Variants in ANKRD12 observed in about 807,000 individuals in gnomAD.
ANKRD12 encodes the protein ankyrin repeat domain 12.
Under a neutral mutation model 183.4 loss-of-function variants are expected in ANKRD12, and 85 were observed. That is an observed-to-expected ratio of 0.46 (90% confidence interval 0.39 to 0.56). The LOEUF (loss-of-function observed/expected upper bound fraction) is 0.56. ANKRD12 is among the 20% of genes least tolerant of loss of function. The probability of loss-of-function intolerance (pLI) is 0.00; values close to 1 mark genes in which losing one functional copy is unlikely to be tolerated. For missense variants in ANKRD12, 2,405 were observed against 2,357.1 expected (o/e 1.02, Z -0.42); for synonymous variants, 914 against 800.2 (o/e 1.14, Z -2.40).
At chr18:9,251,621 C>T (rs1213937038) in intron 8 of ANKRD12, among the ~76,000 whole-genome samples, 1 of 152,030 alleles carries the variant, frequency 6.6e-6, no homozygotes, top group Non-Finnish European at 1.5e-5. Flanking sequence ...TGGTGAAACC[C>T]TGTCTCTACT....
At position 9,256,719 on chromosome 18, in the gene ANKRD12, C is replaced by A. The variant is rs779223662; in HGVS notation, c.3452C>A (p.Thr1151Asn). ...SKSSEVTDAY[T>N]KEKQPKDAVS... ...AGTTCAGAAGTGACTGATGCATATACCAAGGAGAAACAACCTAAAGATGCT... is the reference window on the plus strand; with the variant it reads ...AGTTCAGAAGTGACTGATGCATATAACAAGGAGAAACAACCTAAAGATGCT... Residue 1151 changes from threonine (T) to asparagine (N), a missense_variant, in exon 9 of 13, where the codon ACC (threonine) becomes AAC (asparagine). By Grantham distance (65) the Thr-to-Asn change is moderately conservative (BLOSUM62 0). This residue lies in a region of ANKRD12 where 1,983 missense variants were observed against 1,725.9 expected (regional missense o/e 1.15). Transcript: ENST00000262126. 4 of 1,611,786 alleles carry A rather than the reference C, an allele frequency of 2.5e-6. No individual in the cohort carries two copies.
intron 1 of ANKRD12, among the ~76,000 whole-genome samples, chr18:9,179,514 T>C (rs2033540820): frequency 6.6e-6 from 1 of 152,162 alleles, no homozygotes; most frequent in Admixed American, 6.5e-5. Flanking sequence ...TTACATAGTT[T>C]GATTTTTTTG....
chr18:9,151,683 C>G (rs1162307930), intron 1 of ANKRD12, among the ~76,000 whole-genome samples: 1 of 152,198 alleles, frequency 6.6e-6, no homozygotes, highest in East Asian at 1.9e-4. Context: ...AAATCAATTT[C>G]GAAGAAAGCG....
At chr18:9,237,832 C>T (rs1239677299) in intron 8 of ANKRD12, among the ~76,000 whole-genome samples, 1 of 152,122 alleles carries the variant, frequency 6.6e-6, no homozygotes, top group Non-Finnish European at 1.5e-5. Context: ...ATGGAAAGGT[C>T]AAAGTACAGT....
At chr18:9,238,207 C>T (rs139304968) in intron 8 of ANKRD12, among the ~76,000 whole-genome samples, 21 of 152,258 alleles carry the variant, frequency 1.4e-4, no homozygotes, top group African/African-American at 3.9e-4. Flanking sequence ...TTCTTGTCTT[C>T]GTAACTTCCT....
intron 8 of ANKRD12, among the ~76,000 whole-genome samples, chr18:9,227,843 A>C (rs1356197528): frequency 6.6e-6 from 1 of 152,180 alleles, no homozygotes; most frequent in Non-Finnish European, 1.5e-5. Context: ...ACTTTGAAAT[A>C]TACATAATAC....
intron 1 of ANKRD12, among the ~76,000 whole-genome samples, chr18:9,171,888 C>T (rs569096768): frequency 6.6e-6 from 1 of 152,058 alleles, no homozygotes; most frequent in African/African-American, 2.4e-5. Flanking sequence ...GGTGTGGTGG[C>T]ATACACCTGT....
chr18:9,191,902 A>T (rs1436315833), intron 2 of ANKRD12, among the ~76,000 whole-genome samples: 1 of 152,102 alleles, frequency 6.6e-6, no homozygotes, highest in Non-Finnish European at 1.5e-5. Flanking sequence ...CCCAGAACCC[A>T]CTGAAATTAT....
At chr18:9,137,696 T>G (rs1462048210) in intron 1 of ANKRD12, 1 of 152,190 alleles carries the variant, frequency 6.6e-6, no homozygotes, top group Non-Finnish European at 1.5e-5. Flanking sequence ...TAAATGCCAG[T>G]GTAAAATAAC....
chr18:9,268,764 G>C (rs9748742), intron 10 of ANKRD12, among the ~76,000 whole-genome samples: 1,564 of 152,198 alleles, frequency 0.01, 21 homozygotes, highest in African/African-American at 0.036. Context: ...GTTGGAAGTT[G>C]TGGCCAGGGC....
In ANKRD12 at chr18:9,221,836, C is replaced by T; in HGVS notation, c.796-16C>T. 1 of 1,612,830 alleles carries T rather than the reference C, an allele frequency of 6.2e-7. No homozygotes were observed. Among genetic ancestry groups the T allele is most frequent in the Non-Finnish European group, 8.5e-7 (1 of 1,179,356 alleles). On this transcript the variant is annotated splice_polypyrimidine_tract_variant and intron_variant, in intron 7 of 12. Coordinates refer to ENST00000262126, the MANE Select transcript of ANKRD12 (RefSeq NM_015208.5). ...TCTGTGAAGGGACTAAGTCTTCCTG[C>T]TTTTTATTGTTGCAGATAGTAAAGC...
chr18:9,242,463 C>CAA (rs5823047), intron 8 of ANKRD12, among the ~76,000 whole-genome samples: 21,523 of 150,616 alleles, frequency 0.14, 2,202 homozygotes, highest in Non-Finnish European at 0.21. Flanking sequence ...TATATGCATA[C>CAA]AAAAAAAAAT....
chr18:9,234,480 T>G lies in ANKRD12; in HGVS notation c.943+12481T>G, dbSNP rs149572406. Among the ~76,000 whole-genome samples, 5 of 152,240 alleles carry G rather than the reference T, an allele frequency of 3.3e-5. No homozygotes were observed. In the East Asian group the frequency reaches 9.7e-4, roughly 29 times the overall value. On this transcript the variant is annotated intron_variant, in intron 8 of 12. Coordinates refer to ENST00000262126, the MANE Select transcript of ANKRD12 (RefSeq NM_015208.5). ...AGTTTCCTTTGTCCCAGGGGCTTCG[T>G]TTTTGGTACAGTGCACCATTATTTC...
intron 8 of ANKRD12, chr18:9,250,236 A>T (rs1029236478): frequency 5.3e-5 from 8 of 152,108 alleles, no homozygotes; most frequent in African/African-American, 1.7e-4. Context: ...AATAGTGGAG[A>T]TGATGGTCCA....
In ANKRD12 at chr18:9,255,122, A is replaced by G; in HGVS notation, c.1855A>G (p.Lys619Glu). ...AGATTTCCACTTAGAATTTGGTGAA[A>G]AATCAAATGCCAAAATAAAGGATGA... ...QKDFHLEFGEKSNAKIKDEDH... is the reference protein window; with the variant it reads ...QKDFHLEFGEESNAKIKDEDH... Residue 619 changes from lysine to glutamate, a missense_variant, in exon 9 of 13, where the codon AAA (lysine) becomes GAA (glutamate). This residue lies in a region of ANKRD12 where 1,983 missense variants were observed against 1,725.9 expected (regional missense o/e 1.15). Coordinates refer to ENST00000262126, the MANE Select transcript of ANKRD12 (RefSeq NM_015208.5). The G allele has an allele frequency of 6.3e-7, 1 of 1,582,378 alleles. No homozygotes were observed. Among genetic ancestry groups the G allele is most frequent in the Non-Finnish European group, 8.5e-7 (1 of 1,170,704 alleles).
chr18:9,250,487 G>A (rs1343152214), intron 8 of ANKRD12, among the ~76,000 whole-genome samples: 3 of 152,126 alleles, frequency 2.0e-5, no homozygotes, highest in African/African-American at 4.8e-5. Context: ...GGGAGGCTGA[G>A]GTGGGAGGAT....
chr18:9,217,551 A>G (rs144854905), intron 7 of ANKRD12, among the ~76,000 whole-genome samples: 3,475 of 152,166 alleles, frequency 0.023, 69 homozygotes, highest in South Asian at 0.057. Flanking sequence ...TAAAAATGCT[A>G]TTTTTCTCAA....
chr18:9,188,245 G>C (rs890010239), intron 2 of ANKRD12, among the ~76,000 whole-genome samples: 2 of 152,234 alleles, frequency 1.3e-5, no homozygotes, highest in Non-Finnish European at 1.5e-5. Context: ...TATGCAGTGG[G>C]TTGTATTACA....
At chr18:9,160,185 A>T (rs1252193981) in intron 1 of ANKRD12, among the ~76,000 whole-genome samples, 1 of 152,176 alleles carries the variant, frequency 6.6e-6, no homozygotes, top group African/African-American at 2.4e-5. Context: ...GTGTGATCAC[A>T]GCTCAGTGCA....
Sources: allele counts gnomAD v4.1 joint callset (sites outside exome capture counted in the v4.1 genomes callset), GRCh38; gene constraint gnomAD v4.1.1; regional missense constraint gnomAD v4.1.1; transcripts MANE v1.5; gene names NCBI Gene and HGNC (gene_info 2026-07-23, HGNC 2026-07-21).